Variants in ESD observed in about 807,000 individuals in gnomAD.
The protein encoded by ESD is S-formylglutathione hydrolase.
A neutral mutation model predicts 38.1 loss-of-function variants in ESD; 34 were observed. The ratio of observed to expected loss-of-function variants is 0.89; its 90% CI spans 0.68 to 1.19. ESD has a LOEUF of 1.19. ESD is among the 50% of genes most tolerant of loss of function. ESD has a pLI of 0.00. For missense variants in ESD, 334 were observed against 327.2 expected (o/e 1.02, Z -0.16); for synonymous variants, 97 against 107.0 (o/e 0.91, Z 0.58).
At chr13:46,785,014 T>G (rs1431530429) in intron 4 of ESD, among the ~76,000 whole-genome samples, 3 of 152,030 alleles carry the variant, frequency 2.0e-5, no homozygotes, top group Non-Finnish European at 4.4e-5. Context: ...ATGGTCTTCA[T>G]AATACAAATA....
intron 8 of ESD, among the ~76,000 whole-genome samples, chr13:46,779,340 T>C (rs560737781): frequency 4.6e-5 from 7 of 151,770 alleles, no homozygotes; most frequent in African/African-American, 1.4e-4. Flanking sequence ...ACTGAGCACA[T>C]AGTTAATAAG....
rs1180723513 is a variant in ESD at position 46,797,099 on chromosome 13, T to C, written c.-56+6A>G. ...CGTCCAGGCCTCTACCCGAACCCAG[T>C]CTTACCTACGGTGGCGGAGTGACCA... On this transcript the variant is annotated splice_donor_region_variant and intron_variant, in intron 1 of 9. Transcript: ENST00000378720. The C allele has an allele frequency of 6.6e-6, 1 of 152,306 alleles. No homozygotes were observed. The highest frequency in any genetic ancestry group is 1.5e-5 in the Non-Finnish European group (1 of 68,142). The allele number at this position is 152,306 out of a possible 1,614,324, so 9.4% of individuals were successfully genotyped here.
chr13:46,775,996 T>C (rs973896441), intron 9 of ESD: 3 of 224,962 alleles, frequency 1.3e-5, no homozygotes, highest in Non-Finnish European at 2.7e-5. Context: ...GGCCCAGTCT[T>C]TGGGGAAGCA....
Position 46,777,577 on chromosome 13 carries a change from A to G in ESD, c.647T>C (p.Leu216Pro), listed in dbSNP as rs763785998. Residue 216 changes from leucine to proline, a missense_variant, in exon 9 of 10, where the codon CTG (leucine) becomes CCG (proline). Coordinates refer to ENST00000378720, the MANE Select transcript of ESD (RefSeq NM_001984.2). ...HLVKSYPGSQ[L>P]DILIDQGKDD... The stretch of plus-strand genomic sequence containing the variant: ...TTTCCCTTGATCAATTAGTATGTCC[A>G]GCTGAGATCCTGGATAGGATTTCAC... 1.6e-5 allele frequency: 26 copies of G among 1,610,466 alleles called. No individual in the cohort carries two copies. The highest frequency in any genetic ancestry group is 1.9e-5 in the Non-Finnish European group (22 of 1,177,840).
intron 9 of ESD, among the ~76,000 whole-genome samples, chr13:46,774,695 G>A (rs74914035): frequency 0.01 from 1,570 of 152,252 alleles, 28 homozygotes; most frequent in African/African-American, 0.036. Flanking sequence ...ATCCTAACAG[G>A]CAGTGTTTTC....
chr13:46,785,401 A>G (rs1875158578), intron 4 of ESD, among the ~76,000 whole-genome samples: 1 of 151,998 alleles, frequency 6.6e-6, no homozygotes. Flanking sequence ...TTTCAATTCT[A>G]TTGGGTACAC....
intron 4 of ESD, chr13:46,785,862 T>G (rs1241530172): frequency 6.6e-6 from 1 of 152,026 alleles, no homozygotes; most frequent in East Asian, 1.9e-4. Flanking sequence ...CTTCTGGTTA[T>G]TATTGTTTAG....
intron 1 of ESD, among the ~76,000 whole-genome samples, chr13:46,795,821 CG>C (rs1404068873): frequency 6.6e-6 from 1 of 150,464 alleles, no homozygotes; most frequent in Non-Finnish European, 1.5e-5. Context: ...GGCCTGATCT[CG>C]GCTCACTGCA....
intron 4 of ESD, among the ~76,000 whole-genome samples, chr13:46,785,387 A>G (rs545533382): frequency 1.3e-5 from 2 of 152,140 alleles, no homozygotes; most frequent in Admixed American, 6.6e-5. Context: ...CTGTATGGAC[A>G]TGTTTTCAAT....
rs368989642 is a variant in ESD, at chr13:46,781,487, T to A, written c.501+9A>T. 3.7e-5 allele frequency: 59 copies of A among 1,583,150 alleles called. No individual in the cohort carries two copies. Among genetic ancestry groups the A allele is most frequent in the Admixed American group, 9.3e-5 (5 of 53,708 alleles). The stretch of plus-strand genomic sequence containing the variant: ...AAATATTTATCACTAGAAGTTTAGA[T>A]AATCTTACTTTGTATTTTCCAGGAT... On this transcript the variant is annotated intron_variant, in intron 7 of 9. Transcript: ENST00000378720.
chr13:46,796,192 T>C (rs1170103679), intron 1 of ESD, among the ~76,000 whole-genome samples: 1 of 152,138 alleles, frequency 6.6e-6, no homozygotes, highest in African/African-American at 2.4e-5. Context: ...TGCTATCGGG[T>C]GGCTTTACTC....
In ESD at chr13:46,777,609, G is replaced by A; in HGVS notation, c.615C>T (p.Thr205=). 11 of 1,603,350 alleles carry A rather than the reference G, an allele frequency of 6.9e-6. No individual in the cohort carries two copies. Among genetic ancestry groups the A allele is most frequent in the Non-Finnish European group, 7.7e-6 (9 of 1,174,504 alleles). The change falls in exon 9 of 10, where the codon ACC becomes ACT. Residue 205 remains threonine (T), a synonymous_variant. Transcript: ENST00000378720. ...ATCCTGGATAGGATTTCACAAGGTG[G>A]GTAGCATCATAAGCCTGTAAAAAGA... ...DQSKWKAYDA[T]HLVKSYPGSQ...
chr13:46,775,764 A>T (rs1335824491), intron 9 of ESD: 1 of 443,504 alleles, frequency 2.3e-6, no homozygotes, highest in Non-Finnish European at 4.6e-6. Context: ...ATACTTTCTT[A>T]CTTTTTTAGA....
intron 9 of ESD, chr13:46,775,611 C>A (rs753802233): frequency 4.3e-6 from 2 of 470,174 alleles, no homozygotes; most frequent in African/African-American, 2.0e-5. Flanking sequence ...CTTAGGCATG[C>A]TCATTCAGTT....
rs201948274 is a variant in ESD, at chr13:46,791,420, C to T, written c.-7G>A. 1.3e-4 allele frequency: 206 copies of T among 1,610,328 alleles called. 1 individual carries two copies. The highest frequency in any genetic ancestry group is 8.1e-4 in the South Asian group (73 of 90,574). ...AAATCTGCTTCAATGCCATTCTTTT[C>T]CTATTAGTAAAGAGTAATCTCATTA... On this transcript the variant is annotated splice_region_variant and 5_prime_UTR_variant, in exon 3 of 10. Coordinates refer to ENST00000378720, the MANE Select transcript of ESD (RefSeq NM_001984.2).
At chr13:46,790,486 G>A (rs1875358402) in intron 3 of ESD, 1 of 152,134 alleles carries the variant, frequency 6.6e-6, no homozygotes, top group African/African-American at 2.4e-5. Flanking sequence ...AAAGCTAGTG[G>A]AAGAAACTCA....
At chr13:46,783,416 A>C (rs1318879414) in intron 5 of ESD, among the ~76,000 whole-genome samples, 1 of 152,024 alleles carries the variant, frequency 6.6e-6, no homozygotes. Flanking sequence ...TTTTGAATAG[A>C]ATTACAGTAA....
At position 46,791,424 on chromosome 13, in the gene ESD, TTA is replaced by T; in HGVS notation, c.-7-6_-7-5del. 6.2e-7 allele frequency: 1 copy of T among 1,608,110 alleles called. No homozygotes were observed. Among genetic ancestry groups the T allele is most frequent in the Non-Finnish European group, 8.5e-7 (1 of 1,176,042 alleles). ...CTGCTTCAATGCCATTCTTTTCCTA[TTA>T]GTAAAGAGTAATCTCATTAATTTCC... On this transcript the variant is annotated splice_region_variant and splice_polypyrimidine_tract_variant and intron_variant, in intron 2 of 9. Transcript: ENST00000378720.
At chr13:46,780,514 C>A (rs1215533220) in intron 7 of ESD, among the ~76,000 whole-genome samples, 1 of 151,612 alleles carries the variant, frequency 6.6e-6, no homozygotes, top group East Asian at 1.9e-4. Context: ...TTCTTTTTCA[C>A]TGGATGAGAT....
Sources: allele counts gnomAD v4.1 joint callset (sites outside exome capture counted in the v4.1 genomes callset), GRCh38; gene constraint gnomAD v4.1.1; transcripts MANE v1.5; gene names NCBI Gene and HGNC (gene_info 2026-07-23, HGNC 2026-07-21).